PMM1: variants seen among roughly 807,000 people sequenced by gnomAD.
PMM1 encodes brain glucose-1,6-bisphosphatase.
Under a neutral mutation model 34.0 loss-of-function variants are expected in PMM1, and 25 were observed. That is an observed-to-expected ratio of 0.73 (90% CI 0.54 to 1.03). The LOEUF (loss-of-function observed/expected upper bound fraction) is 1.03. PMM1 is among the 50% of genes least tolerant of loss of function. The probability of loss-of-function intolerance (pLI) is 0.00; values close to 1 mark genes in which losing one functional copy is unlikely to be tolerated. For synonymous variants in PMM1, 134 were observed against 143.9 expected, an observed-to-expected ratio of 0.93 and a Z score of 0.49; for missense variants, 321 against 350.1, an observed-to-expected ratio of 0.92 and a Z score of 0.66.
chr22:41,579,123 C>A, intron 5 of PMM1: 1 of 508,406 alleles, frequency 2.0e-6, no homozygotes, highest in Non-Finnish European at 3.6e-6. Context: ...TGGGCTGGGT[C>A]TTCTGAAGGA....
chr22:41,578,822 C>T lies in PMM1; in HGVS notation c.534G>A (p.Gly178=), dbSNP rs760644682. The part of the protein sequence containing the change: ...EALKTEFAGK[G]LRFSRGGMIS... ...TGGACGTACCTCGAGAGAACCTCAG[C>T]CCTTTGCCAGCAAACTCTGTTTTCA... The change falls in exon 6 of 8, where the codon GGG becomes GGA. Residue 178 remains glycine (G), a synonymous_variant. Coordinates refer to ENST00000216259, the MANE Select transcript of PMM1 (RefSeq NM_002676.3). 2.0e-5 allele frequency: 33 copies of T among 1,613,882 alleles called. No individual in the cohort carries two copies. In the East Asian group the frequency reaches 6.9e-4, roughly 34 times the overall value.
rs1482473774 is a variant in PMM1 at position 41,583,907 on chromosome 22, T to A, written c.474+52A>T. 24 of 1,101,800 alleles carry A rather than the reference T, an allele frequency of 2.2e-5. No homozygotes were observed. In the East Asian group the frequency reaches 5.6e-4, roughly 26 times the overall value. The allele number at this position is 1,101,800 out of a possible 1,614,324, so 68.3% of individuals were successfully genotyped here. On this transcript the variant is annotated intron_variant, in intron 5 of 7. Transcript: ENST00000216259. ...ACTGATGAGAAAATAAAGGCTCAGATAAATTGAGTGACTGAGGCCCTACAG... is the reference window on the plus strand; with the variant it reads ...ACTGATGAGAAAATAAAGGCTCAGAAAAATTGAGTGACTGAGGCCCTACAG...
chr22:41,582,130 C>T (rs1314132815), intron 5 of PMM1, among the ~76,000 whole-genome samples: 1 of 148,260 alleles, frequency 6.7e-6, no homozygotes, highest in African/African-American at 2.5e-5. Context: ...GGTGACAGAG[C>T]GAAACTCAGT....
chr22:41,583,888 G>A (rs551646748), intron 5 of PMM1, 71 bp downstream of exon 5: 2 of 963,784 alleles, frequency 2.1e-6, no homozygotes, highest in Admixed American at 3.4e-5. Flanking sequence ...TTTTACTGAT[G>A]AGAAAATAAA....
At chr22:41,585,303 A>G (rs1277690888) in intron 2 of PMM1, 1 of 152,110 alleles carries the variant, frequency 6.6e-6, no homozygotes, top group African/African-American at 2.4e-5. Context: ...GGCTGAGACC[A>G]GGGGCTCTGA....
At chr22:41,584,125 C>G in intron 4 of PMM1, 67 bp from the exon 5 acceptor site, 1 of 1,385,098 alleles carries the variant, frequency 7.2e-7, no homozygotes, top group Non-Finnish European at 1.0e-6. Context: ...TCTAGCCCCA[C>G]CTGGGACCCC....
chr22:41,589,190 T>A, intron 1 of PMM1: 1 of 1,160,958 alleles, frequency 8.6e-7, no homozygotes, highest in Non-Finnish European at 1.2e-6. Context: ...AAGTGGGTGA[T>A]GGGGCTTCAG....
intron 1 of PMM1, 99 bp downstream of exon 1, chr22:41,589,620 C>A: frequency 9.5e-7 from 1 of 1,057,310 alleles, no homozygotes; most frequent in Non-Finnish European, 1.4e-6. Context: ...ACACTCGGTC[C>A]CCGGGTGTCC....
Position 41,586,155 on chromosome 22 carries a change from T to C in PMM1, c.126A>G (p.Leu42=), listed in dbSNP as rs1202243868. Residue 42 remains leucine, a synonymous_variant, in exon 2 of 8, where the codon CTA becomes CTG. Coordinates refer to ENST00000216259, the MANE Select transcript of PMM1 (RefSeq NM_002676.3). ...DPEVAAFLQK[L]RSRVQIGVVG... is the part of the protein sequence containing the mutation. The stretch of plus-strand genomic sequence containing the variant: ...CCACACCGATCTGCACTCTACTTCG[T>C]AGCTTCTGCAGGAAGGCGGCCACCT... 1 of 1,612,474 alleles carries C rather than the reference T, an allele frequency of 6.2e-7. No individual in the cohort carries two copies. The highest frequency in any genetic ancestry group is 1.7e-5 in the Admixed American group (1 of 59,868).
intron 4 of PMM1, 28 bp from the exon 5 acceptor site, chr22:41,584,086 G>A: frequency 6.5e-7 from 1 of 1,548,456 alleles, no homozygotes; most frequent in Non-Finnish European, 8.9e-7. Flanking sequence ...CGGGGAGCCA[G>A]AGAGAACCAG....
intron 1 of PMM1, among the ~76,000 whole-genome samples, chr22:41,586,934 A>G (rs2067314589): frequency 7.0e-6 from 1 of 143,748 alleles, no homozygotes; most frequent in Non-Finnish European, 1.5e-5. Flanking sequence ...CCTGGCCAAC[A>G]TGGTGAAACT....
At chr22:41,577,614 C>A in intron 7 of PMM1, 174 bp from the exon 8 acceptor site, 1 of 869,162 alleles carries the variant, frequency 1.2e-6, no homozygotes, top group Non-Finnish European at 1.8e-6. Context: ...TGCCCAGCCT[C>A]TTGGGGCCCC....
chr22:41,577,403 G>T lies in PMM1; in HGVS notation c.704C>A (p.Thr235Asn). The T allele has an allele frequency of 6.2e-6, 10 of 1,612,634 alleles. No homozygotes were observed. The highest frequency in any genetic ancestry group is 7.6e-6 in the Non-Finnish European group (9 of 1,179,966). Residue 235 changes from threonine to asparagine, a missense_variant, in exon 8 of 8, where the codon ACT (threonine) becomes AAT (asparagine). Coordinates refer to ENST00000216259, the MANE Select transcript of PMM1 (RefSeq NM_002676.3). ...NDFEIFADPR[T>N]VGHSVVSPQD... ...AGGAGACACCACGCTGTGGCCAACA[G>T]TCCGGGGGTCGGCAAAGATCTCAAA...
intron 1 of PMM1, among the ~76,000 whole-genome samples, chr22:41,587,124 C>T (rs1270583264): frequency 6.6e-6 from 1 of 151,930 alleles, no homozygotes; most frequent in African/African-American, 2.4e-5. Context: ...AAAAAATTAG[C>T]CGGGCGTGGT....
intron 1 of PMM1, chr22:41,588,895 CACAGGG>C (rs1194059255): frequency 3.1e-6 from 3 of 971,164 alleles, no homozygotes; most frequent in Non-Finnish European, 3.7e-6. Context: ...GTGGGTTACC[CACAGGG>C]AGGGCATGAA....
chr22:41,580,271 C>T (rs1418899390), intron 5 of PMM1: 1 of 152,320 alleles, frequency 6.6e-6, no homozygotes, highest in East Asian at 1.9e-4. Flanking sequence ...CTTCAGGGTT[C>T]TGGAAGATGA....
chr22:41,582,148 A>G (rs1281512641), intron 5 of PMM1, among the ~76,000 whole-genome samples: 1 of 151,938 alleles, frequency 6.6e-6, no homozygotes, highest in African/African-American at 2.4e-5. Context: ...AGTCTCCAAA[A>G]AAAAAAAAAC....
At chr22:41,581,665 G>T (rs1005411897) in intron 5 of PMM1, among the ~76,000 whole-genome samples, 2 of 151,918 alleles carry the variant, frequency 1.3e-5, no homozygotes, top group African/African-American at 4.8e-5. Context: ...ACCAGCCTGG[G>T]CAACACGGTG....
chr22:41,577,082 T>C lies in PMM1; in HGVS notation c.*236A>G. The C allele has an allele frequency of 1.7e-6, 1 of 577,040 alleles. No homozygotes were observed. The highest frequency in any genetic ancestry group is 3.1e-6 in the Non-Finnish European group (1 of 322,624). The allele number at this position is 577,040 out of a possible 1,614,324, so 35.7% of individuals were successfully genotyped here. Reference sequence around the variant, plus strand: ...CGAAATACAAGCAGCAGCTGTGGCCTGGGCCACCAGGTGGAGCATGGGGAA... The same window carrying C: ...CGAAATACAAGCAGCAGCTGTGGCCCGGGCCACCAGGTGGAGCATGGGGAA... On this transcript the variant is annotated 3_prime_UTR_variant, in exon 8 of 8. Coordinates refer to ENST00000216259, the MANE Select transcript of PMM1 (RefSeq NM_002676.3).
Sources: gnomAD v4.1 joint callset for allele counts (sites outside exome capture counted in the v4.1 genomes callset) on GRCh38, gnomAD v4.1.1 for gene constraint, MANE v1.5 for transcripts, NCBI Gene and HGNC (gene_info 2026-07-23, HGNC 2026-07-21) for gene names.